Variants in PPP3CA observed in about 807,000 individuals in gnomAD.
The protein encoded by PPP3CA is protein phosphatase 3 catalytic subunit alpha.
Under a neutral mutation model 66.5 loss-of-function variants are expected in PPP3CA, and 14 were observed. The ratio of observed to expected loss-of-function variants is 0.21; its 90% CI spans 0.14 to 0.33. PPP3CA has a LOEUF of 0.33. Among genes scored for constraint, PPP3CA ranks in the 10% least tolerant of loss-of-function variants. The probability of loss-of-function intolerance (pLI) is 1.00; values close to 1 mark genes in which losing one functional copy is unlikely to be tolerated. For missense variants in PPP3CA, 317 were observed against 639.5 expected (o/e 0.50, Z 5.44); for synonymous variants, 232 against 226.2 (o/e 1.03, Z -0.23).
intron 1 of PPP3CA, among the ~76,000 whole-genome samples, chr4:101,308,603 A>G (rs967218694): frequency 6.6e-6 from 1 of 151,760 alleles, no homozygotes; most frequent in Admixed American, 6.6e-5. Flanking sequence ...CCACCACCAT[A>G]CCCAGCTAAC....
At chr4:101,103,036 T>A (rs940739723) in intron 3 of PPP3CA, among the ~76,000 whole-genome samples, 1 of 152,210 alleles carries the variant, frequency 6.6e-6, no homozygotes, top group Non-Finnish European at 1.5e-5. Context: ...GCCACAGACA[T>A]AGCTTTCTCC....
intron 2 of PPP3CA, among the ~76,000 whole-genome samples, chr4:101,146,507 A>G (rs1375591344): frequency 6.6e-6 from 1 of 151,910 alleles, no homozygotes; most frequent in African/African-American, 2.4e-5. Flanking sequence ...CAGTGGCACA[A>G]TCTCGGCTCA....
At chr4:101,180,243 TC>T (rs1446056369) in intron 2 of PPP3CA, among the ~76,000 whole-genome samples, 4 of 152,180 alleles carry the variant, frequency 2.6e-5, no homozygotes, top group Non-Finnish European at 4.4e-5. Flanking sequence ...CTGTTTACTT[TC>T]AAAAGTGTAC....
chr4:101,029,778 TTAAAGA>T (rs1380805197), intron 12 of PPP3CA, among the ~76,000 whole-genome samples: 1 of 150,240 alleles, frequency 6.7e-6, no homozygotes, highest in Non-Finnish European at 1.5e-5. Flanking sequence ...ATGTGACTCT[TTAAAGA>T]TAAACACATC....
At chr4:101,272,012 G>A (rs1727352127) in intron 1 of PPP3CA, among the ~76,000 whole-genome samples, 1 of 152,026 alleles carries the variant, frequency 6.6e-6, no homozygotes, top group Non-Finnish European at 1.5e-5. Flanking sequence ...TTAATAGTTA[G>A]GAATAATGAA....
At chr4:101,162,302 G>C (rs770375019) in intron 2 of PPP3CA, among the ~76,000 whole-genome samples, 9 of 151,262 alleles carry the variant, frequency 5.9e-5, no homozygotes, top group Non-Finnish European at 8.8e-5. Context: ...GGAGGCTGAG[G>C]CGGGTGGATC....
At chr4:101,133,821 C>G (rs566661535) in intron 2 of PPP3CA, among the ~76,000 whole-genome samples, 2 of 152,252 alleles carry the variant, frequency 1.3e-5, no homozygotes, top group Admixed American at 1.3e-4. Context: ...AAGCTGGAGG[C>G]ATCAAGCTAC....
At chr4:101,113,175 C>T (rs1041162545) in intron 2 of PPP3CA, among the ~76,000 whole-genome samples, 1 of 152,114 alleles carries the variant, frequency 6.6e-6, no homozygotes, top group Non-Finnish European at 1.5e-5. Flanking sequence ...CTCCATACAT[C>T]TTATGGTTGT....
rs377245442 is a variant in PPP3CA, at chr4:101,183,230, C to T, written c.259+12686G>A. ...TGCTCTGCCATACCTGACATATGAC[C>T]TCTGTCCCATGGTTAGAATGGCATC... On this transcript the variant is annotated intron_variant, in intron 2 of 13. Transcript: ENST00000394854. Among the ~76,000 whole-genome samples, 17 of 152,240 alleles carry T rather than the reference C, an allele frequency of 1.1e-4. No homozygotes were observed. The East Asian group carries it at 2.7e-3, about 24-fold the overall frequency.
At chr4:101,081,525 CT>C (rs1375693121) in intron 7 of PPP3CA, among the ~76,000 whole-genome samples, 1 of 152,098 alleles carries the variant, frequency 6.6e-6, no homozygotes, top group Admixed American at 6.5e-5. Flanking sequence ...AAAAATGTAT[CT>C]CATGACTTCT....
intron 1 of PPP3CA, among the ~76,000 whole-genome samples, chr4:101,292,773 A>G (rs1728070096): frequency 6.6e-6 from 1 of 152,226 alleles, no homozygotes; most frequent in African/African-American, 2.4e-5. Context: ...TTGGGTGGAT[A>G]TAGCATGTTC....
chr4:101,295,040 G>A (rs931961152), intron 1 of PPP3CA, among the ~76,000 whole-genome samples: 3 of 151,968 alleles, frequency 2.0e-5, no homozygotes, highest in Non-Finnish European at 2.9e-5. Flanking sequence ...GGTGGCTCAC[G>A]CCTGTAATCC....
chr4:101,241,281 C>T lies in PPP3CA; in HGVS notation c.59-45165G>A, dbSNP rs140621841. Reference sequence around the variant, plus strand: ...ATGGAAAGGTGCTTCATCTATAAACCAGCAATATCATTTTTCCTAGCTGCT... The same window carrying T: ...ATGGAAAGGTGCTTCATCTATAAACTAGCAATATCATTTTTCCTAGCTGCT... On this transcript the variant is annotated intron_variant, in intron 1 of 13. Transcript: ENST00000394854. 5.5e-4 allele frequency among the ~76,000 whole-genome samples: 84 copies of T among 152,190 alleles called. 1 individual carries two copies. Among genetic ancestry groups the T allele is most frequent in the African/African-American group, 2.0e-3 (81 of 41,538 alleles).
chr4:101,231,961 AC>A (rs1725976885), intron 1 of PPP3CA, among the ~76,000 whole-genome samples: 1 of 151,672 alleles, frequency 6.6e-6, no homozygotes, highest in African/African-American at 2.4e-5. Context: ...ATTACCAGTA[AC>A]TCAGCATTCT....
At chr4:101,163,425 A>T (rs1457744322) in intron 2 of PPP3CA, among the ~76,000 whole-genome samples, 1 of 152,168 alleles carries the variant, frequency 6.6e-6, no homozygotes, top group Non-Finnish European at 1.5e-5. Flanking sequence ...TTGGCCCACA[A>T]GTCAAAGTTG....
intron 1 of PPP3CA, among the ~76,000 whole-genome samples, chr4:101,317,973 G>A (rs1415388770): frequency 1.3e-5 from 2 of 152,156 alleles, no homozygotes; most frequent in African/African-American, 2.4e-5. Flanking sequence ...AAAGTAGGTT[G>A]AGATAGTACC....
intron 1 of PPP3CA, among the ~76,000 whole-genome samples, chr4:101,287,659 T>C (rs749112294): frequency 1.3e-5 from 2 of 152,164 alleles, no homozygotes; most frequent in Non-Finnish European, 2.9e-5. Context: ...AGAAAGACGC[T>C]ATTTCAATTA....
chr4:101,046,855 A>G (rs534602411), intron 10 of PPP3CA, among the ~76,000 whole-genome samples: 132 of 152,318 alleles, frequency 8.7e-4, no homozygotes, highest in South Asian at 3.1e-3. Context: ...TTGTTGTGCT[A>G]TATTAAAGAT....
intron 1 of PPP3CA, among the ~76,000 whole-genome samples, chr4:101,299,761 A>C (rs2110297812): frequency 6.6e-6 from 1 of 152,312 alleles, no homozygotes; most frequent in Admixed American, 6.5e-5. Context: ...TGAGTAAATA[A>C]ATTTATAATT....
Sources: gnomAD v4.1 joint callset for allele counts (sites outside exome capture counted in the v4.1 genomes callset) on GRCh38, gnomAD v4.1.1 for gene constraint, MANE v1.5 for transcripts, NCBI Gene and HGNC (gene_info 2026-07-23, HGNC 2026-07-21) for gene names.